Variants in MED17 observed in about 807,000 individuals in gnomAD.
The protein encoded by MED17 is mediator complex subunit 17, also known as mediator of RNA polymerase II transcription subunit 17.
A neutral mutation model predicts 80.8 loss-of-function variants in MED17; 49 were observed. The ratio of observed to expected loss-of-function variants is 0.61; its 90% CI spans 0.48 to 0.77. The LOEUF is 0.77. Ranked by LOEUF, MED17 falls within the 30% of genes least tolerant of loss-of-function variation. The probability of loss-of-function intolerance (pLI) is 0.00; values close to 1 mark genes in which losing one functional copy is unlikely to be tolerated. For missense variants in MED17, 718 were observed against 787.0 expected (o/e 0.91, Z 1.05); for synonymous variants, 281 against 280.4 (o/e 1.00, Z -0.02).
chr11:93,793,855 A>G lies in MED17; in HGVS notation c.765A>G (p.Ala255=), dbSNP rs539079050. 2.5e-5 allele frequency: 41 copies of G among 1,613,560 alleles called. No individual in the cohort carries two copies. In the South Asian group the frequency reaches 3.6e-4, roughly 14 times the overall value. Residue 255 remains alanine, a synonymous_variant, in exon 4 of 12, where the codon GCA becomes GCG. Transcript: ENST00000251871. ...VQIPSDLEGS[A]YIKVSIQKQA... is the part of the protein sequence containing the mutation. ...TTCCTAGTGATTTAGAGGGGTCTGC[A>G]TATATCAAGGTATTTGTCAAAATAT...
chr11:93,798,661 T>A (rs2135716096), intron 8 of MED17, among the ~76,000 whole-genome samples: 1 of 152,286 alleles, frequency 6.6e-6, no homozygotes, highest in East Asian at 1.9e-4. Context: ...GCTCAACCAC[T>A]TGCTAAATAA....
intron 1 of MED17, 47 bp from the exon 2 acceptor site, chr11:93,787,954 T>C (rs752462890): frequency 1.3e-6 from 2 of 1,500,432 alleles, no homozygotes; most frequent in Admixed American, 1.7e-5. Flanking sequence ...TGCCATTCAA[T>C]GTAACGAATA....
rs1318526321 is a variant in MED17 at position 93,811,928 on chromosome 11, G to A, written c.1820G>A (p.Ser607Asn). Residue 607 changes from serine to asparagine, a missense_variant, in exon 12 of 12, where the codon AGT (serine) becomes AAT (asparagine). Ser to Asn is a conservative substitution (Grantham distance 46). Transcript: ENST00000251871. ...AACCAATGTAAAGACCTTCCAAAAAGTGATGTTTTACAAGATAACAAATGG... is the reference window on the plus strand; with the variant it reads ...AACCAATGTAAAGACCTTCCAAAAAATGATGTTTTACAAGATAACAAATGG... ...PRNQCKDLPKSDVLQDNKWSH... is the reference protein window; with the variant it reads ...PRNQCKDLPKNDVLQDNKWSH... The A allele has an allele frequency of 1.2e-6, 2 of 1,613,974 alleles. No individual in the cohort carries two copies. Among genetic ancestry groups the A allele is most frequent in the Admixed American group, 1.7e-5 (1 of 59,998 alleles).
rs1944101580 is a variant in MED17, at chr11:93,813,201, ATAAG to A, written c.*1142_*1145del. ...AGTATCATATAGGCAAGCTCTCCTT[ATAAG>A]TAAGGCTTTCAATTTTTAAAACAGA... On this transcript the variant is annotated 3_prime_UTR_variant, in exon 12 of 12. Transcript: ENST00000251871. The A allele has an allele frequency of 6.6e-6, 1 of 152,218 alleles. No individual in the cohort carries two copies. 9.4% of individuals were successfully genotyped at this position (152,218 alleles called of 1,614,324 possible).
chr11:93,803,377 G>C (rs531857335), intron 9 of MED17, among the ~76,000 whole-genome samples: 1 of 152,174 alleles, frequency 6.6e-6, no homozygotes, highest in South Asian at 2.1e-4. Flanking sequence ...AGCAGATGCA[G>C]AGTATGAAAG....
At chr11:93,810,905 G>A (rs1591392447) in intron 11 of MED17, 2 of 152,176 alleles carry the variant, frequency 1.3e-5, no homozygotes, top group Non-Finnish European at 2.9e-5. Context: ...GGATTTCATC[G>A]TATGATAATA....
At chr11:93,789,944 C>G (rs1324588987) in intron 2 of MED17, 1 of 158,946 alleles carries the variant, frequency 6.3e-6, no homozygotes, top group Non-Finnish European at 1.4e-5. Context: ...GGTGACAGAA[C>G]AAGACTCCAT....
At position 93,801,844 on chromosome 11, in the gene MED17, A is replaced by G. The variant is rs1452799517; in HGVS notation, c.1338A>G (p.Ala446=). 1 of 1,613,616 alleles carries G rather than the reference A, an allele frequency of 6.2e-7. No individual in the cohort carries two copies. Among genetic ancestry groups the G allele is most frequent in the African/African-American group, 1.3e-5 (1 of 75,052 alleles). Residue 446 remains alanine, a synonymous_variant, in exon 9 of 12, where the codon GCA becomes GCG. Coordinates refer to ENST00000251871, the MANE Select transcript of MED17 (RefSeq NM_004268.5). The part of the protein sequence containing the change: ...KHIFLRSRAA[A]TIDSLASRIE... ...TTCTTGTATTTAAAAGAGCTGCTGC[A>G]ACCATTGACAGCTTAGCAAGCCGAA...
Position 93,807,644 on chromosome 11 carries a change from T to G in MED17, c.1584+9T>G. ...ATTTTCTTCTGTCTCAGGTAACAGTTGCAGATTTTGTCTTAAGCCCCCTTC... is the reference window on the plus strand; with the variant it reads ...ATTTTCTTCTGTCTCAGGTAACAGTGGCAGATTTTGTCTTAAGCCCCCTTC... On this transcript the variant is annotated intron_variant, in intron 10 of 11. Transcript: ENST00000251871. The G allele has an allele frequency of 6.6e-7, 1 of 1,515,166 alleles. No homozygotes were observed. Among genetic ancestry groups the G allele is most frequent in the Non-Finnish European group, 9.2e-7 (1 of 1,090,152 alleles). 93.9% of individuals were successfully genotyped at this position (1,515,166 alleles called of 1,614,324 possible). A position where few individuals can be genotyped will look rare whatever the true frequency, so the allele number is the denominator to read the frequency against.
chr11:93,796,352 T>A, intron 6 of MED17, 58 bp from the exon 7 acceptor site: 2 of 1,439,730 alleles, frequency 1.4e-6, no homozygotes, highest in Non-Finnish European at 1.9e-6. Context: ...ATGAAGACAG[T>A]TTATGCCTTT....
At chr11:93,793,696 T>C (rs915567119) in intron 3 of MED17, 32 bp from the exon 4 acceptor site, 2 of 1,443,900 alleles carry the variant, frequency 1.4e-6, no homozygotes, top group Non-Finnish European at 9.7e-7. Context: ...TGTTAACTGT[T>C]TTATATTTTC....
At chr11:93,809,618 C>T in intron 10 of MED17, 99 bp from the exon 11 acceptor site, 1 of 1,236,564 alleles carries the variant, frequency 8.1e-7, no homozygotes, top group Non-Finnish European at 1.2e-6. Flanking sequence ...CTGTAGTAGT[C>T]AGTGAGCACC....
Position 93,784,407 on chromosome 11 carries a change from G to A in MED17, c.-107G>A, listed in dbSNP as rs1472581996. On this transcript the variant is annotated 5_prime_UTR_variant, in exon 1 of 12. Coordinates refer to ENST00000251871, the MANE Select transcript of MED17 (RefSeq NM_004268.5). The stretch of plus-strand genomic sequence containing the variant: ...TTTCCCGAGGGTCTTCTGAGGCACC[G>A]CGGCTGCGGGCTTCTGAGTTCCCGG... The A allele has an allele frequency of 3.5e-6, 5 of 1,415,258 alleles. No individual in the cohort carries two copies. In the East Asian group the frequency reaches 7.1e-5, roughly 20 times the overall value. 87.7% of individuals were successfully genotyped at this position (1,415,258 alleles called of 1,614,324 possible).
intron 1 of MED17, among the ~76,000 whole-genome samples, chr11:93,786,769 G>A (rs1483920624): frequency 6.6e-5 from 10 of 151,920 alleles, no homozygotes; most frequent in Non-Finnish European, 1.5e-5. Flanking sequence ...GCACCCAGCC[G>A]AAACTTTTAA....
chr11:93,794,172 A>T, intron 5 of MED17, 137 bp downstream of exon 5: 1 of 684,880 alleles, frequency 1.5e-6, no homozygotes, highest in South Asian at 1.7e-5. Flanking sequence ...AAAATTTATC[A>T]ATAAACTATT....
intron 6 of MED17, 57 bp from the exon 7 acceptor site, chr11:93,796,353 T>A: frequency 6.9e-7 from 1 of 1,446,956 alleles, no homozygotes; most frequent in Non-Finnish European, 9.7e-7. Context: ...TGAAGACAGT[T>A]TATGCCTTTC....
Position 93,812,063 on chromosome 11 carries a change from G to T in MED17, c.1955G>T (p.Ter652LeuextTer7), listed in dbSNP as rs1439117720. The change falls in exon 12 of 12, where the codon TGA becomes TTA. Residue 652 changes from the stop codon to leucine (L), a stop_lost. Transcript: ENST00000251871. ...LMSALSPCLL[*>L] ...TCTGCACTTAGCCCTTGTCTACTAT[G>T]ATTTTTTCCAGATGTTTCCTAAAGA... is the stretch of plus-strand genomic sequence containing the variant. 6.2e-7 allele frequency: 1 copy of T among 1,613,736 alleles called. No individual in the cohort carries two copies. Among genetic ancestry groups the T allele is most frequent in the Admixed American group, 1.7e-5 (1 of 60,018 alleles).
rs77325898 is a variant in MED17 at position 93,794,503 on chromosome 11, T to C, written c.860-405T>C. On this transcript the variant is annotated intron_variant, in intron 5 of 11. Coordinates refer to ENST00000251871, the MANE Select transcript of MED17 (RefSeq NM_004268.5). ...ACAGGCATGAGCCACCAGCACCTTT[T>C]TTTAAGATTGGACTTATTTACTGGT... 1,768 of 255,286 alleles carry C rather than the reference T, an allele frequency of 6.9e-3. 32 individuals carry two copies. Among genetic ancestry groups the C allele is most frequent in the African/African-American group, 0.038 (1,638 of 43,266 alleles). 15.8% of individuals were successfully genotyped at this position (255,286 alleles called of 1,614,324 possible).
chr11:93,803,126 T>C (rs796226246), intron 9 of MED17, among the ~76,000 whole-genome samples: 10 of 152,322 alleles, frequency 6.6e-5, no homozygotes, highest in African/African-American at 2.4e-4. Context: ...ACTACAGGTG[T>C]GCACTACGAT....
Sources: allele counts gnomAD v4.1 joint callset (sites outside exome capture counted in the v4.1 genomes callset), GRCh38; gene constraint gnomAD v4.1.1; transcripts MANE v1.5; gene names NCBI Gene and HGNC (gene_info 2026-07-23, HGNC 2026-07-21).